GPC5: variants seen among roughly 807,000 people sequenced by gnomAD.
The protein encoded by GPC5 is glypican 5.
Under a neutral mutation model 53.9 loss-of-function variants are expected in GPC5, and 47 were observed. The observed-to-expected ratio is 0.87, with a 90% confidence interval of 0.69 to 1.11. The LOEUF is 1.11. Among genes scored for constraint, GPC5 ranks in the 50% most tolerant of loss-of-function variants. The pLI is 0.00. For missense variants in GPC5, 748 were observed against 713.1 expected (o/e 1.05, Z -0.56); for synonymous variants, 286 against 263.3 (o/e 1.09, Z -0.84).
intron 7 of GPC5, among the ~76,000 whole-genome samples, chr13:92,698,537 G>A (rs936683699): frequency 1.3e-5 from 2 of 152,134 alleles, no homozygotes; most frequent in African/African-American, 2.4e-5. Context: ...TGATGTATAT[G>A]TGCCACATTT....
intron 7 of GPC5, among the ~76,000 whole-genome samples, chr13:92,850,780 T>C (rs554070142): frequency 9.2e-5 from 14 of 152,282 alleles, no homozygotes; most frequent in Admixed American, 5.9e-4. Flanking sequence ...GTAGGAGATA[T>C]AATTTTGGAA....
chr13:92,690,615 T>C (rs1302980847), intron 7 of GPC5, among the ~76,000 whole-genome samples: 2 of 145,494 alleles, frequency 1.4e-5, no homozygotes, highest in Non-Finnish European at 3.0e-5. Context: ...GGTGAGGAAC[T>C]GCGTTCCTTT....
intron 5 of GPC5, among the ~76,000 whole-genome samples, chr13:91,896,908 C>T (rs1300497336): frequency 6.6e-6 from 1 of 152,110 alleles, no homozygotes; most frequent in African/African-American, 2.4e-5. Flanking sequence ...ATTTCTGTTA[C>T]ATACGTAGAT....
At chr13:92,280,863 C>A (rs1003148487) in intron 7 of GPC5, among the ~76,000 whole-genome samples, 1 of 152,064 alleles carries the variant, frequency 6.6e-6, no homozygotes, top group Admixed American at 6.6e-5. Context: ...AACTGAGGTA[C>A]CGGGTTCATC....
At chr13:92,166,921 G>GTCTCTC (rs35310453) in intron 7 of GPC5, among the ~76,000 whole-genome samples, 18 of 128,430 alleles carry the variant, frequency 1.4e-4, no homozygotes, top group African/African-American at 2.8e-4. Flanking sequence ...ATAAGTCTCA[G>GTCTCTC]TCTCTCTCTC....
intron 7 of GPC5, among the ~76,000 whole-genome samples, chr13:92,617,543 G>A (rs1884734381): frequency 6.6e-6 from 1 of 151,998 alleles, no homozygotes; most frequent in Non-Finnish European, 1.5e-5. Context: ...TTTCTTACCT[G>A]AGTCTCTTAA....
intron 5 of GPC5, among the ~76,000 whole-genome samples, chr13:91,811,942 C>T (rs2038318333): frequency 6.6e-6 from 1 of 152,162 alleles, no homozygotes; most frequent in Admixed American, 6.5e-5. Flanking sequence ...CTCAGCATGC[C>T]TACAACGTGG....
At chr13:91,543,532 A>G (rs1296134563) in intron 2 of GPC5, among the ~76,000 whole-genome samples, 1 of 150,238 alleles carries the variant, frequency 6.7e-6, no homozygotes, top group Non-Finnish European at 1.5e-5. Context: ...TGATTTTTCA[A>G]AGAGAGAGAG....
chr13:91,441,260 T>G (rs1401676104), intron 1 of GPC5, among the ~76,000 whole-genome samples: 1 of 152,186 alleles, frequency 6.6e-6, no homozygotes, highest in Non-Finnish European at 1.5e-5. Context: ...TTTTTGGACA[T>G]GTAAGGTTTA....
rs1313060166 is a variant in GPC5 at position 91,909,792 on chromosome 13, G to C, written c.1401+1735G>C. Among the ~76,000 whole-genome samples the C allele has an allele frequency of 2.0e-5, 3 of 152,028 alleles. No homozygotes were observed. In the East Asian group the frequency reaches 5.8e-4, roughly 29 times the overall value. ...AGGATTATAGAAACCCTTAGGAGGA[G>C]GGTTCACATATTTATTGCCCATTCA... is the stretch of plus-strand genomic sequence containing the variant. On this transcript the variant is annotated intron_variant, in intron 6 of 7. Coordinates refer to ENST00000377067, the MANE Select transcript of GPC5 (RefSeq NM_004466.6).
chr13:92,332,947 A>G (rs1326437864), intron 7 of GPC5, among the ~76,000 whole-genome samples: 1 of 152,206 alleles, frequency 6.6e-6, no homozygotes, highest in Non-Finnish European at 1.5e-5. Flanking sequence ...GTCAACTTTT[A>G]TTAGATCAAT....
chr13:92,002,322 T>C (rs1409855296), intron 6 of GPC5, among the ~76,000 whole-genome samples: 1 of 152,238 alleles, frequency 6.6e-6, no homozygotes, highest in Non-Finnish European at 1.5e-5. Flanking sequence ...CAGTCTAAGA[T>C]AATCCATTTT....
In GPC5 at chr13:92,314,857, C is replaced by A. The variant is rs146722189; in HGVS notation, c.1561+169868C>A. On this transcript the variant is annotated intron_variant, in intron 7 of 7. Transcript: ENST00000377067. Reference sequence around the variant, plus strand: ...GCATGTTTATGGCTCACTGCAGCCTCAACACCCCCCATGCTCAAGCGATTC... The same window carrying A: ...GCATGTTTATGGCTCACTGCAGCCTAAACACCCCCCATGCTCAAGCGATTC... Among the ~76,000 whole-genome samples, 1,173 of 152,252 alleles carry A rather than the reference C, an allele frequency of 7.7e-3. 11 individuals carry two copies. The highest frequency in any genetic ancestry group is 0.068 in the Middle Eastern group (20 of 294).
At chr13:91,976,044 T>G (rs1187384444) in intron 6 of GPC5, among the ~76,000 whole-genome samples, 2 of 152,050 alleles carry the variant, frequency 1.3e-5, no homozygotes, top group Non-Finnish European at 2.9e-5. Context: ...CACCGCATGT[T>G]CTCACTCATA....
rs146501324 is a variant in GPC5 at position 91,497,895 on chromosome 13, G to A, written c.325+48973G>A. On this transcript the variant is annotated intron_variant, in intron 2 of 7. Transcript: ENST00000377067. ...ATGCAAGGTGTGATAATCATATCATGGAAAGTGGGGTATCCATCACCTCAA... is the reference window on the plus strand; with the variant it reads ...ATGCAAGGTGTGATAATCATATCATAGAAAGTGGGGTATCCATCACCTCAA... Among the ~76,000 whole-genome samples, 87 of 152,238 alleles carry A rather than the reference G, an allele frequency of 5.7e-4. 3 individuals carry two copies. The East Asian group carries it at 0.015, about 26-fold the overall frequency.
At chr13:92,795,539 CTAATT>C (rs1221622365) in intron 7 of GPC5, among the ~76,000 whole-genome samples, 1 of 152,056 alleles carries the variant, frequency 6.6e-6, no homozygotes, top group African/African-American at 2.4e-5. Context: ...CTAATGGGAT[CTAATT>C]AAAGAATTTC....
At position 91,872,168 on chromosome 13, in the gene GPC5, T is replaced by C. The variant is rs1237808123; in HGVS notation, c.1281-35769T>C. Among the ~76,000 whole-genome samples, 9 of 152,152 alleles carry C rather than the reference T, an allele frequency of 5.9e-5. No homozygotes were observed. In the East Asian group the frequency reaches 1.7e-3, roughly 29 times the overall value. ...CCTCTTTTCCAGCTGTAAATGGCTG[T>C]TCTCATATTAATACCTCAATTGTGG... On this transcript the variant is annotated intron_variant, in intron 5 of 7. Transcript: ENST00000377067.
chr13:91,497,034 G>A (rs1316585), intron 2 of GPC5, among the ~76,000 whole-genome samples: 58,661 of 151,456 alleles, frequency 0.39, 11,589 homozygotes, highest in East Asian at 0.59. Flanking sequence ...TTATATATAC[G>A]TGCAAAAATT....
At chr13:92,009,266 G>GTGTA (rs1280548405) in intron 6 of GPC5, among the ~76,000 whole-genome samples, 13 of 151,292 alleles carry the variant, frequency 8.6e-5, no homozygotes, top group African/African-American at 3.2e-4. Context: ...GTGTGTGTGT[G>GTGTA]TGTGTGTGTG....
Sources: allele counts gnomAD v4.1 joint callset (sites outside exome capture counted in the v4.1 genomes callset), GRCh38; gene constraint gnomAD v4.1.1; transcripts MANE v1.5; gene names NCBI Gene and HGNC (gene_info 2026-07-23, HGNC 2026-07-21).